Variants in NOM1 observed in about 807,000 individuals in gnomAD.
NOM1 encodes the protein nucleolar MIF4G domain-containing protein 1.
In NOM1, 58 loss-of-function variants were observed where a neutral mutation model predicts 73.3. The ratio of observed to expected loss-of-function variants is 0.79; its 90% CI spans 0.64 to 0.99. The LOEUF is 0.99. Among genes scored for constraint, NOM1 ranks in the 50% least tolerant of loss-of-function variants. The pLI, the probability that NOM1 is intolerant of heterozygous loss-of-function variation, is 0.00. For missense variants in NOM1, 1,226 were observed against 1,131.9 expected (o/e 1.08, Z -1.19); for synonymous variants, 487 against 446.8 (o/e 1.09, Z -1.14).
Position 156,969,072 on chromosome 7 carries a change from T to C in NOM1, c.2299-15T>C. The C allele has an allele frequency of 7.4e-7, 1 of 1,359,486 alleles. No homozygotes were observed. Among genetic ancestry groups the C allele is most frequent in the African/African-American group, 1.4e-5 (1 of 70,558 alleles). The allele number at this position is 1,359,486 out of a possible 1,614,324, so 84.2% of individuals were successfully genotyped here. A position where few individuals can be genotyped will look rare whatever the true frequency, so the allele number is the denominator to read the frequency against. Reference sequence around the variant, plus strand: ...ATCAGTGTAACTTTATTTTTCTCCATGTCCTGACCATTAGGTAGTTGAATT... The same window carrying C: ...ATCAGTGTAACTTTATTTTTCTCCACGTCCTGACCATTAGGTAGTTGAATT... On this transcript the variant is annotated splice_polypyrimidine_tract_variant and intron_variant, in intron 9 of 10. Coordinates refer to ENST00000275820, the MANE Select transcript of NOM1 (RefSeq NM_138400.2).
At position 156,950,697 on chromosome 7, in the gene NOM1, C is replaced by T. The variant is rs920437864; in HGVS notation, c.960C>T (p.Ser320=). ...FAEDEEKSEN[S]SEDGDITDKS... is the part of the protein sequence containing the mutation. ...AAGATGAAGAAAAGAGTGAAAATTC[C>T]TCGGAGGACGGTGACATAACGGATA... The change falls in exon 1 of 11, where the codon TCC becomes TCT. Residue 320 remains serine, a synonymous_variant. Coordinates refer to ENST00000275820, the MANE Select transcript of NOM1 (RefSeq NM_138400.2). The T allele has an allele frequency of 2.6e-6, 4 of 1,551,508 alleles. No homozygotes were observed. The highest frequency in any genetic ancestry group is 2.7e-5 in the African/African-American group (2 of 72,964).
Position 156,969,099 on chromosome 7 carries a change from A to C in NOM1, c.2311A>C (p.Ser771Arg). 1 of 1,564,252 alleles carries C rather than the reference A, an allele frequency of 6.4e-7. No individual in the cohort carries two copies. The highest frequency in any genetic ancestry group is 8.8e-7 in the Non-Finnish European group (1 of 1,134,374). The change falls in exon 10 of 11, where the codon AGT becomes CGT. Residue 771 changes from serine to arginine, a missense_variant. Coordinates refer to ENST00000275820, the MANE Select transcript of NOM1 (RefSeq NM_138400.2). Reference protein sequence around the residue: ...SLSILKVVEFSELDKPRVRFL... With the variant: ...SLSILKVVEFRELDKPRVRFL... ...TCCTGACCATTAGGTAGTTGAATTCAGTGAATTGGACAAACCCAGAGTCCG... is the reference window on the plus strand; with the variant it reads ...TCCTGACCATTAGGTAGTTGAATTCCGTGAATTGGACAAACCCAGAGTCCG...
intron 4 of NOM1, among the ~76,000 whole-genome samples, chr7:156,960,749 C>T (rs2134786383): frequency 6.6e-6 from 1 of 152,282 alleles, no homozygotes; most frequent in East Asian, 1.9e-4. Context: ...AGGGTTCCAG[C>T]AGGTGAATGA....
chr7:156,963,894 C>T lies in NOM1; in HGVS notation c.1912-11C>T, dbSNP rs369726557. 9.6e-5 allele frequency: 155 copies of T among 1,609,342 alleles called. No homozygotes were observed. Among genetic ancestry groups the T allele is most frequent in the Non-Finnish European group, 1.1e-4 (133 of 1,177,894 alleles). ...ACATGCGTATGACTTGTCCATTCAT[C>T]GTGCTTCCAGGTCAGTTCAAAGATC... On this transcript the variant is annotated splice_polypyrimidine_tract_variant and intron_variant, in intron 6 of 10. Coordinates refer to ENST00000275820, the MANE Select transcript of NOM1 (RefSeq NM_138400.2).
chr7:156,954,522 C>CTTTTTTTTTTGTTTTT, intron 3 of NOM1, among the ~76,000 whole-genome samples: 1 of 101,660 alleles, frequency 9.8e-6, no homozygotes, highest in Non-Finnish European at 1.9e-5. Flanking sequence ...TCTGTCCATT[C>CTTTTTTTTTTGTTTTT]TTTTTTTTTT....
chr7:156,963,023 T>C lies in NOM1; in HGVS notation c.1759T>C (p.Ser587Pro), dbSNP rs1804903270. The C allele has an allele frequency of 6.2e-7, 1 of 1,612,464 alleles. No individual in the cohort carries two copies. Among genetic ancestry groups the C allele is most frequent in the African/African-American group, 1.3e-5 (1 of 74,912 alleles). ...TCTTCATCAGGTCCGCAACGCCGGC[T>C]CAGGTTCTGAGACGCAGCTTCGCGT... ...LQRALVRNAGSGSETQLRVSW... is the reference protein window; with the variant it reads ...LQRALVRNAGPGSETQLRVSW... The change falls in exon 6 of 11, where the codon TCA (serine) becomes CCA (proline). Residue 587 changes from serine (S) to proline (P), a missense_variant. Ser to Pro is a moderately conservative substitution (Grantham distance 74). Coordinates refer to ENST00000275820, the MANE Select transcript of NOM1 (RefSeq NM_138400.2).
At chr7:156,958,012 G>A (rs1388009548) in intron 3 of NOM1, among the ~76,000 whole-genome samples, 3 of 152,290 alleles carry the variant, frequency 2.0e-5, no homozygotes, top group African/African-American at 7.2e-5. Context: ...TGTATATCCA[G>A]TCCATCAGAG....
chr7:156,949,724 A>T lies in NOM1; in HGVS notation c.-14A>T. 1 of 1,338,050 alleles carries T rather than the reference A, an allele frequency of 7.5e-7. No homozygotes were observed. The highest frequency in any genetic ancestry group is 9.5e-7 in the Non-Finnish European group (1 of 1,049,720). 82.9% of individuals were successfully genotyped at this position (1,338,050 alleles called of 1,614,324 possible). ...CGCCTCGGCCGGAAGTCGTGCGTCC[A>T]CGCGTTTCGAAAGATGGCGGCGTCC... On this transcript the variant is annotated 5_prime_UTR_variant, in exon 1 of 11. Transcript: ENST00000275820.
chr7:156,956,545 A>G (rs2134778610), intron 3 of NOM1, among the ~76,000 whole-genome samples: 1 of 152,180 alleles, frequency 6.6e-6, no homozygotes, highest in East Asian at 1.9e-4. Context: ...GTTGCTAGAT[A>G]ATGTTCTGAT....
chr7:156,952,244 A>G lies in NOM1; in HGVS notation c.988-230A>G, dbSNP rs576637569. Among the ~76,000 whole-genome samples, 4 of 152,326 alleles carry G rather than the reference A, an allele frequency of 2.6e-5. No individual in the cohort carries two copies. The East Asian group carries it at 7.7e-4, about 29-fold the overall frequency. On this transcript the variant is annotated intron_variant, in intron 1 of 10. Transcript: ENST00000275820. ...CTACACAGGGGAAAACGAGATGGTG[A>G]AATGTATTATTAATAGCATTAATGG...
chr7:156,956,845 G>A (rs1413424879), intron 3 of NOM1, among the ~76,000 whole-genome samples: 2 of 152,088 alleles, frequency 1.3e-5, no homozygotes, highest in East Asian at 1.9e-4. Flanking sequence ...CCATTCCTGG[G>A]CCCTGTGATT....
In NOM1 at chr7:156,973,150, T is replaced by A. The variant is rs1805179620; in HGVS notation, c.*3447T>A. 6.6e-6 allele frequency: 1 copy of A among 152,166 alleles called. No homozygotes were observed. Among genetic ancestry groups the A allele is most frequent in the Non-Finnish European group, 1.5e-5 (1 of 68,032 alleles). The allele number at this position is 152,166 out of a possible 1,614,324, so 9.4% of individuals were successfully genotyped here. A position where few individuals can be genotyped will look rare whatever the true frequency, so the allele number is the denominator to read the frequency against. ...ACAAACTTTAATGTATTGAAATGCATAAATAAAATTTATTTTTTATATTTT... is the reference window on the plus strand; with the variant it reads ...ACAAACTTTAATGTATTGAAATGCAAAAATAAAATTTATTTTTTATATTTT... On this transcript the variant is annotated 3_prime_UTR_variant, in exon 11 of 11. Coordinates refer to ENST00000275820, the MANE Select transcript of NOM1 (RefSeq NM_138400.2).
chr7:156,954,497 A>G lies in NOM1; in HGVS notation c.1308+199A>G, dbSNP rs529587991. On this transcript the variant is annotated intron_variant, in intron 3 of 10. Coordinates refer to ENST00000275820, the MANE Select transcript of NOM1 (RefSeq NM_138400.2). Reference sequence around the variant, plus strand: ...GTACTTGATTACTTGATTTTGCTTAACTTTGCTTTTTTGTTCTGTCCATTC... The same window carrying G: ...GTACTTGATTACTTGATTTTGCTTAGCTTTGCTTTTTTGTTCTGTCCATTC... Among the ~76,000 whole-genome samples the G allele has an allele frequency of 9.2e-3, 294 of 31,802 alleles. 1 individual carries two copies. The highest frequency in any genetic ancestry group is 0.017 in the Non-Finnish European group (227 of 13,346). 20.9% of individuals were successfully genotyped at this position (31,802 alleles called of 152,430 possible). A position where few individuals can be genotyped will look rare whatever the true frequency, so the allele number is the denominator to read the frequency against.
intron 6 of NOM1, 166 bp from the exon 7 acceptor site, chr7:156,963,739 G>T: frequency 1.6e-6 from 1 of 639,904 alleles, no homozygotes; most frequent in Middle Eastern, 4.5e-4. Flanking sequence ...GCTTCACTAT[G>T]TGTTCCCCTT....
At chr7:156,952,386 T>C in intron 1 of NOM1, 88 bp from the exon 2 acceptor site, 1 of 1,418,118 alleles carries the variant, frequency 7.1e-7, no homozygotes, top group Non-Finnish European at 9.6e-7. Context: ...TTCTTGGAAG[T>C]TTAATATTTA....
At position 156,967,070 on chromosome 7, in the gene NOM1, C is replaced by T. The variant is rs774158292; in HGVS notation, c.2276C>T (p.Ser759Leu). 1.2e-5 allele frequency: 19 copies of T among 1,612,822 alleles called. No homozygotes were observed. The highest frequency in any genetic ancestry group is 3.3e-5 in the Admixed American group (2 of 59,746). Residue 759 changes from serine to leucine, a missense_variant, in exon 9 of 11, where the codon TCG (serine) becomes TTG (leucine). Physicochemically the swap from Ser to Leu is moderately radical, Grantham distance 145 (BLOSUM62 -2). Transcript: ENST00000275820. The stretch of plus-strand genomic sequence containing the variant: ...GTGGCCCACTTGTTGAAGACAAAAT[C>T]GCTTTCCCTTTCCATCTTAAAGGTT... ...HLVAHLLKTK[S>L]LSLSILKVVE...
intron 3 of NOM1, 104 bp from the exon 4 acceptor site, chr7:156,959,747 C>A: frequency 8.6e-7 from 1 of 1,164,942 alleles, no homozygotes; most frequent in Non-Finnish European, 1.2e-6. Context: ...GAATGCCCTG[C>A]CTTGTGGCAC....
In NOM1 at chr7:156,970,336, G is replaced by A. The variant is rs1235940621; in HGVS notation, c.*633G>A. ...TAGATAAAACAGGCCACTAGAGGGTGCAGTTATAAAGAAATTGATGAGGTT... is the reference window on the plus strand; with the variant it reads ...TAGATAAAACAGGCCACTAGAGGGTACAGTTATAAAGAAATTGATGAGGTT... On this transcript the variant is annotated 3_prime_UTR_variant, in exon 11 of 11. Coordinates refer to ENST00000275820, the MANE Select transcript of NOM1 (RefSeq NM_138400.2). 1.3e-5 allele frequency: 2 copies of A among 151,936 alleles called. No homozygotes were observed. Among genetic ancestry groups the A allele is most frequent in the Admixed American group, 6.6e-5 (1 of 15,256 alleles). The allele number at this position is 151,936 out of a possible 1,614,324, so 9.4% of individuals were successfully genotyped here. A position where few individuals can be genotyped will look rare whatever the true frequency, so the allele number is the denominator to read the frequency against.
chr7:156,952,506 A>T lies in NOM1; in HGVS notation c.1020A>T (p.Pro340=). The part of the protein sequence containing the change: ...SLCGSGEKYI[P]PHVRQAEETV... ...GTGGAAGTGGTGAAAAGTACATCCCACCTCATGTGAGGCAAGCTGAGGAGA... is the reference window on the plus strand; with the variant it reads ...GTGGAAGTGGTGAAAAGTACATCCCTCCTCATGTGAGGCAAGCTGAGGAGA... Residue 340 remains proline, a synonymous_variant, in exon 2 of 11, where the codon CCA becomes CCT. Transcript: ENST00000275820. The T allele has an allele frequency of 1.9e-6, 3 of 1,613,990 alleles. No individual in the cohort carries two copies. Among genetic ancestry groups the T allele is most frequent in the South Asian group, 1.1e-5 (1 of 91,044 alleles).
Sources: allele counts gnomAD v4.1 joint callset (sites outside exome capture counted in the v4.1 genomes callset), GRCh38; gene constraint gnomAD v4.1.1; transcripts MANE v1.5; gene names NCBI Gene and HGNC (gene_info 2026-07-23, HGNC 2026-07-21).